Variants in IGDCC3 observed in about 807,000 individuals in gnomAD.
IGDCC3 encodes immunoglobulin superfamily DCC subclass member 3, also known as putative neuronal cell adhesion molecule.
Under a neutral mutation model 72.0 loss-of-function variants are expected in IGDCC3, and 47 were observed. The observed-to-expected ratio is 0.65, with a 90% CI of 0.52 to 0.83. The LOEUF (loss-of-function observed/expected upper bound fraction) is 0.83, where lower values mean the gene tolerates loss of function less well. Among genes scored for constraint, IGDCC3 ranks in the 40% least tolerant of loss-of-function variants. The probability of loss-of-function intolerance (pLI) is 0.00; values close to 1 mark genes in which losing one functional copy is unlikely to be tolerated. For missense variants in IGDCC3, 1,038 were observed against 1,091.3 expected (o/e 0.95, Z 0.69); for synonymous variants, 477 against 472.8 (o/e 1.01, Z -0.11).
At position 65,339,512 on chromosome 15, in the gene IGDCC3, C is replaced by T. The variant is rs1420602176; in HGVS notation, c.410-3556G>A. On this transcript the variant is annotated intron_variant, in intron 2 of 13. Transcript: ENST00000327987. This position sits in a 1 kb window ranked among gnomAD's most constrained non-coding sequence, Gnocchi z 4.1. ...CCCCCTCTAGTTTCTCAGGGTGGAA[C>T]ATGTTTGATTCACAAGTGTGTTTAT... Among the ~76,000 whole-genome samples, 1 of 152,220 alleles carries T rather than the reference C, an allele frequency of 6.6e-6. No homozygotes were observed. Among genetic ancestry groups the T allele is most frequent in the Non-Finnish European group, 1.5e-5 (1 of 68,036 alleles).
intron 2 of IGDCC3, among the ~76,000 whole-genome samples, chr15:65,343,579 C>G (rs1362159297): frequency 6.6e-6 from 1 of 152,064 alleles, no homozygotes; most frequent in Non-Finnish European, 1.5e-5. Flanking sequence ...GCCTATAAAC[C>G]CAGCCCTTTA....
chr15:65,355,153 G>A (rs759667087), intron 2 of IGDCC3, among the ~76,000 whole-genome samples: 9 of 152,220 alleles, frequency 5.9e-5, no homozygotes, highest in Non-Finnish European at 1.0e-4. Context: ...GAGTGGGGCG[G>A]GTGGGGGAGC....
In IGDCC3 at chr15:65,377,675, C is replaced by T. The variant is rs757406735; in HGVS notation, c.103+11G>A. The T allele has an allele frequency of 2.8e-6, 4 of 1,448,572 alleles. No individual in the cohort carries two copies. The highest frequency in any genetic ancestry group is 3.6e-6 in the Non-Finnish European group (4 of 1,106,190). The allele number at this position is 1,448,572 out of a possible 1,614,324, so 89.7% of individuals were successfully genotyped here. ...GTCCGCAACCGCCCGGTCCGGGGCG[C>T]TTTCACTCACCCTCGCTCGGCGCGG... On this transcript the variant is annotated intron_variant, in intron 1 of 13. Transcript: ENST00000327987. This position sits in a 1 kb window ranked among gnomAD's most constrained non-coding sequence, Gnocchi z 4.9.
chr15:65,329,965 C>G lies in IGDCC3; in HGVS notation c.1859-101G>C, dbSNP rs1174098438. The G allele has an allele frequency of 1.5e-6, 2 of 1,304,248 alleles. No individual in the cohort carries two copies. The highest frequency in any genetic ancestry group is 3.7e-5 in the Admixed American group (2 of 54,080). 80.8% of individuals were successfully genotyped at this position (1,304,248 alleles called of 1,614,324 possible). A position where few individuals can be genotyped will look rare whatever the true frequency, so the allele number is the denominator to read the frequency against. ...CCTCTTCCTTCAGCTGCTCCCACTCCCAAGTGGGAGTGGGAACATCCTTTG... is the reference window on the plus strand; with the variant it reads ...CCTCTTCCTTCAGCTGCTCCCACTCGCAAGTGGGAGTGGGAACATCCTTTG... On this transcript the variant is annotated intron_variant, in intron 11 of 13. Transcript: ENST00000327987. The surrounding 1 kb of genome is among the most constrained non-coding windows in gnomAD (Gnocchi z 4.1).
At chr15:65,334,998 A>G (rs1309482470) in intron 4 of IGDCC3, 133 bp from the exon 5 acceptor site, 7 of 1,058,248 alleles carry the variant, frequency 6.6e-6, no homozygotes, top group Non-Finnish European at 9.3e-6. Context: ...GCAGAGAGAT[A>G]CCAGGAGACC....
intron 5 of IGDCC3, 75 bp from the exon 6 acceptor site, chr15:65,333,490 A>G (rs1328207196): frequency 6.4e-6 from 9 of 1,402,646 alleles, no homozygotes; most frequent in Non-Finnish European, 8.6e-6. Flanking sequence ...GGAAACTTCC[A>G]GATGGCTTGC....
rs779941539 is a variant in IGDCC3, at chr15:65,328,967, C to G, written c.2387G>C (p.Gly796Ala). 3 of 1,593,564 alleles carry G rather than the reference C, an allele frequency of 1.9e-6. No individual in the cohort carries two copies. The South Asian group carries it at 3.4e-5, about 18-fold the overall frequency. ...PDGGPGLLSE[G>A]QASRPAAARV... ...GGCCGCTGCAGGCCTGGAAGCCTGG[C>G]CTTCACTGAGGAGGCCAGGGCCTCC... The change falls in exon 14 of 14, where the codon GGC becomes GCC. Residue 796 changes from glycine to alanine, a missense_variant. Physicochemically the swap from Gly to Ala is moderately conservative, Grantham distance 60. Transcript: ENST00000327987.
chr15:65,350,303 G>A (rs1435013000), intron 2 of IGDCC3, among the ~76,000 whole-genome samples: 1 of 151,636 alleles, frequency 6.6e-6, no homozygotes, highest in Non-Finnish European at 1.5e-5. Flanking sequence ...GCTAATTTTT[G>A]TATTTGTAGT....
At chr15:65,370,622 A>ATGTGTG (rs1567073027) in intron 2 of IGDCC3, among the ~76,000 whole-genome samples, 1 of 81,698 alleles carries the variant, frequency 1.2e-5, no homozygotes, top group African/African-American at 6.3e-5. Context: ...ATGTATGTGT[A>ATGTGTG]TATATATATA....
At chr15:65,333,220 A>C (rs1379162000) in intron 6 of IGDCC3, 37 bp downstream of exon 6, 1 of 1,549,330 alleles carries the variant, frequency 6.5e-7, no homozygotes, top group Non-Finnish European at 8.7e-7. Context: ...CTGTGCGGAG[A>C]TCCCTGCCCT....
At chr15:65,335,997 G>A (rs1419642671) in intron 2 of IGDCC3, 41 bp from the exon 3 acceptor site, 1 of 1,608,774 alleles carries the variant, frequency 6.2e-7, no homozygotes, top group Non-Finnish European at 8.5e-7. Context: ...CGCTGCTGAG[G>A]GCAGAAGGTA....
chr15:65,336,111 A>G (rs2091027175), intron 2 of IGDCC3, among the ~76,000 whole-genome samples, 155 bp from the exon 3 acceptor site: 1 of 152,206 alleles, frequency 6.6e-6, no homozygotes, highest in African/African-American at 2.4e-5. Flanking sequence ...GGGACCCATC[A>G]GCACTTACCC....
Position 65,328,687 on chromosome 15 carries a change from A to G in IGDCC3, c.*222T>C. 2.4e-6 allele frequency: 1 copy of G among 417,162 alleles called. No individual in the cohort carries two copies. The allele number at this position is 417,162 out of a possible 1,614,324, so 25.8% of individuals were successfully genotyped here. On this transcript the variant is annotated 3_prime_UTR_variant, in exon 14 of 14. Transcript: ENST00000327987. ...AGGCAAGGGGGCGTCAGCCCAGGGA[A>G]GGAACAGGCTCCTGCAGGAACTGCT...
At chr15:65,350,682 G>A (rs892738042) in intron 2 of IGDCC3, among the ~76,000 whole-genome samples, 5 of 151,690 alleles carry the variant, frequency 3.3e-5, no homozygotes, top group African/African-American at 9.7e-5. Flanking sequence ...GGCTGGTCTC[G>A]AACTCCTGAC....
At chr15:65,343,391 G>A (rs932005505) in intron 2 of IGDCC3, among the ~76,000 whole-genome samples, 1 of 150,576 alleles carries the variant, frequency 6.6e-6, no homozygotes, top group African/African-American at 2.4e-5. Flanking sequence ...AATTTGCAAG[G>A]CCTGAATGGT....
At chr15:65,371,600 C>T (rs955212018) in intron 2 of IGDCC3, among the ~76,000 whole-genome samples, 1 of 152,206 alleles carries the variant, frequency 6.6e-6, no homozygotes, top group African/African-American at 2.4e-5. Flanking sequence ...TCAAGATTCC[C>T]AGGTGATTCA....
At position 65,330,309 on chromosome 15, in the gene IGDCC3, T is replaced by C; in HGVS notation, c.1842A>G (p.Gly614=). 1.2e-6 allele frequency: 2 copies of C among 1,613,272 alleles called. No individual in the cohort carries two copies. The highest frequency in any genetic ancestry group is 1.7e-6 in the Non-Finnish European group (2 of 1,179,418). ...AGCCCTCACCTGTCCTCTCAGATGC[T>C]CCCCTCAAAGACACAAAGCGGACTG... ...NATVRFVSLR[G]ASERTALSPP... Residue 614 remains glycine (G), a synonymous_variant, in exon 11 of 14, where the codon GGA becomes GGG. Coordinates refer to ENST00000327987, the MANE Select transcript of IGDCC3 (RefSeq NM_004884.4).
At chr15:65,357,147 C>T (rs1054028083) in intron 2 of IGDCC3, among the ~76,000 whole-genome samples, 6 of 152,004 alleles carry the variant, frequency 3.9e-5, no homozygotes, top group African/African-American at 1.2e-4. Flanking sequence ...CCACCACACC[C>T]GGCCTGGACC....
chr15:65,376,682 C>T (rs2091361289), intron 1 of IGDCC3, among the ~76,000 whole-genome samples: 1 of 151,940 alleles, frequency 6.6e-6, no homozygotes, highest in African/African-American at 2.4e-5. Flanking sequence ...ATTCAAACCC[C>T]TGCGCATCCT....
Sources: allele counts gnomAD v4.1 joint callset (sites outside exome capture counted in the v4.1 genomes callset), GRCh38; gene constraint gnomAD v4.1.1; non-coding constraint Gnocchi (gnomAD v3.1); transcripts MANE v1.5; gene names NCBI Gene and HGNC (gene_info 2026-07-23, HGNC 2026-07-21).